WNT2: variants seen among roughly 807,000 people sequenced by gnomAD.
WNT2 encodes protein Wnt-2.
WNT2 carries 12 observed loss-of-function variants against 36.9 expected under a neutral mutation model. That is an observed-to-expected ratio of 0.33 (90% CI 0.21 to 0.53). WNT2 has a LOEUF of 0.53. WNT2 is among the 20% of genes least tolerant of loss of function. WNT2 has a pLI of 0.95. For missense variants in WNT2, 379 were observed against 473.1 expected, an observed-to-expected ratio of 0.80 and a Z score of 1.84; for synonymous variants, 163 against 174.6, an observed-to-expected ratio of 0.93 and a Z score of 0.52.
chr7:117,322,077 C>G lies in WNT2; in HGVS notation c.83+830G>C, dbSNP rs1298073617. 2 of 152,134 alleles carry G rather than the reference C, an allele frequency of 1.3e-5. No homozygotes were observed. The highest frequency in any genetic ancestry group is 2.9e-5 in the Non-Finnish European group (2 of 68,024). The allele number at this position is 152,134 out of a possible 1,614,324, so 9.4% of individuals were successfully genotyped here. On this transcript the variant is annotated intron_variant, in intron 1 of 4. Coordinates refer to ENST00000265441, the MANE Select transcript of WNT2 (RefSeq NM_003391.3). This position sits in a 1 kb window ranked among gnomAD's most constrained non-coding sequence, Gnocchi z 5.4. ...TTTTAGGTGCAAGGAAATTACAGGG[C>G]TATCAACTCTATCTCTTTCCAAGAC...
chr7:117,278,317 C>G lies in WNT2; in HGVS notation c.921G>C (p.Met307Ile), dbSNP rs1295260582. The G allele has an allele frequency of 6.2e-7, 1 of 1,614,094 alleles. No individual in the cohort carries two copies. The highest frequency in any genetic ancestry group is 1.3e-5 in the African/African-American group (1 of 74,946). The change falls in exon 5 of 5, where the codon ATG becomes ATC. Residue 307 changes from methionine (M) to isoleucine (I), a missense_variant. Transcript: ENST00000265441. ...AGGTGTCGTAGCCTCTCCCACAGCA[C>G]ATGACTTCACAGCTGTCCATGCCCC... ...TSRGMDSCEV[M>I]CCGRGYDTSH...
chr7:117,314,887 T>C (rs1156864863), intron 3 of WNT2, among the ~76,000 whole-genome samples, 184 bp downstream of exon 3: 1 of 152,148 alleles, frequency 6.6e-6, no homozygotes, highest in African/African-American at 2.4e-5. Flanking sequence ...AGGTGGAGTG[T>C]GGGTGGGAAT....
chr7:117,285,062 A>G (rs891902923), intron 4 of WNT2, among the ~76,000 whole-genome samples: 1 of 152,064 alleles, frequency 6.6e-6, no homozygotes, highest in Non-Finnish European at 1.5e-5. Flanking sequence ...TCTTTCCCGT[A>G]CTCTCTTCTA....
chr7:117,303,257 C>A (rs1159462517), intron 3 of WNT2, among the ~76,000 whole-genome samples: 5 of 152,138 alleles, frequency 3.3e-5, no homozygotes, highest in Non-Finnish European at 7.4e-5. Flanking sequence ...AGGGTTACAG[C>A]GGTGAAGAAT....
At chr7:117,311,252 G>GA (rs921498557) in intron 3 of WNT2, among the ~76,000 whole-genome samples, 1 of 152,104 alleles carries the variant, frequency 6.6e-6, no homozygotes, top group African/African-American at 2.4e-5. Context: ...AATGTGTGAA[G>GA]ACACACACAA....
rs1281668400 is a variant in WNT2, at chr7:117,275,636, T to C, written c.*2519A>G. Among the ~76,000 whole-genome samples, 1 of 152,166 alleles carries C rather than the reference T, an allele frequency of 6.6e-6. No homozygotes were observed. Among genetic ancestry groups the C allele is most frequent in the Non-Finnish European group, 1.5e-5 (1 of 68,012 alleles). ...TTAAAAGCCTCAGATAATTGAGAGT[T>C]TCAGTGTATTTCAGGTTCCTGGAAT... is the stretch of plus-strand genomic sequence containing the variant. On this transcript the variant is annotated 3_prime_UTR_variant, in exon 5 of 5. Coordinates refer to ENST00000265441, the MANE Select transcript of WNT2 (RefSeq NM_003391.3).
intron 3 of WNT2, among the ~76,000 whole-genome samples, chr7:117,309,921 A>T (rs955515245): frequency 6.6e-6 from 1 of 152,102 alleles, no homozygotes; most frequent in Non-Finnish European, 1.5e-5. Flanking sequence ...ATTCAAAGAG[A>T]GGCAAATTTC....
In WNT2 at chr7:117,323,028, T is replaced by C. The variant is rs1795359601; in HGVS notation, c.-39A>G. ...CGTCTGCATCAGGTCAGACTCCGTG[T>C]GCGGGCGCCATGCGTGCCCAGAGCA... On this transcript the variant is annotated 5_prime_UTR_variant, in exon 1 of 5. Transcript: ENST00000265441. 6.4e-7 allele frequency: 1 copy of C among 1,567,446 alleles called. No homozygotes were observed.
intron 3 of WNT2, 151 bp from the exon 4 acceptor site, chr7:117,298,027 TG>T: frequency 8.6e-7 from 1 of 1,160,966 alleles, no homozygotes; most frequent in East Asian, 2.5e-5. Context: ...GCTTGTCACT[TG>T]TTAGCCACAT....
intron 3 of WNT2, among the ~76,000 whole-genome samples, chr7:117,311,274 C>A (rs1795117629): frequency 1.3e-5 from 2 of 152,292 alleles, no homozygotes; most frequent in African/African-American, 4.8e-5. Flanking sequence ...GAAAAAAAAT[C>A]ATCAGTAAAC....
At chr7:117,282,354 G>A (rs1487241728) in intron 4 of WNT2, among the ~76,000 whole-genome samples, 1 of 151,824 alleles carries the variant, frequency 6.6e-6, no homozygotes, top group Non-Finnish European at 1.5e-5. Context: ...AAGAGGAGAA[G>A]GGGAGGGAGG....
At chr7:117,316,663 T>G (rs1052654087) in intron 2 of WNT2, among the ~76,000 whole-genome samples, 2 of 152,156 alleles carry the variant, frequency 1.3e-5, no homozygotes, top group African/African-American at 4.8e-5. Flanking sequence ...GGAAAACATA[T>G]CTACACCATA....
chr7:117,311,211 C>T (rs951554645), intron 3 of WNT2, among the ~76,000 whole-genome samples: 1 of 152,074 alleles, frequency 6.6e-6, no homozygotes, highest in Admixed American at 6.6e-5. Context: ...TTTTCCTTGT[C>T]GTTAAAAACC....
intron 2 of WNT2, among the ~76,000 whole-genome samples, chr7:117,318,683 A>G (rs551512709): frequency 6.6e-6 from 1 of 152,232 alleles, no homozygotes; most frequent in South Asian, 2.1e-4. Context: ...GATTAAGGGC[A>G]TGTACCACCA....
At chr7:117,301,314 C>T (rs1376659029) in intron 3 of WNT2, among the ~76,000 whole-genome samples, 1 of 151,968 alleles carries the variant, frequency 6.6e-6, no homozygotes, top group Non-Finnish European at 1.5e-5. Flanking sequence ...AAACCCTTAA[C>T]CTTGAAGTGG....
chr7:117,297,881 C>G lies in WNT2; in HGVS notation c.589-5G>C, dbSNP rs1260886089. The G allele has an allele frequency of 2.5e-6, 4 of 1,602,346 alleles. No homozygotes were observed. The highest frequency in any genetic ancestry group is 3.4e-6 in the Non-Finnish European group (4 of 1,171,662). On this transcript the variant is annotated splice_polypyrimidine_tract_variant and splice_region_variant and intron_variant, in intron 3 of 4. Coordinates refer to ENST00000265441, the MANE Select transcript of WNT2 (RefSeq NM_003391.3). ...TTTCAAGAACCGCTTTACAGCCTGC[C>G]GAAAAAGACAGGGGCAAGTTCAGTG...
At chr7:117,310,440 G>A (rs1584692949) in intron 3 of WNT2, among the ~76,000 whole-genome samples, 1 of 151,884 alleles carries the variant, frequency 6.6e-6, no homozygotes, top group South Asian at 2.1e-4. Flanking sequence ...CCCCAAATTA[G>A]TCAGGCATGG....
chr7:117,321,313 C>T (rs563009719), intron 1 of WNT2, among the ~76,000 whole-genome samples: 1 of 152,320 alleles, frequency 6.6e-6, no homozygotes, highest in Non-Finnish European at 1.5e-5. Flanking sequence ...GTTACACTCT[C>T]CTCACAGACA....
At chr7:117,304,624 CG>C (rs1794980457) in intron 3 of WNT2, among the ~76,000 whole-genome samples, 1 of 151,942 alleles carries the variant, frequency 6.6e-6, no homozygotes, top group African/African-American at 2.4e-5. Context: ...TCAGTAGAGA[CG>C]GGGTTTCACC....
Sources: allele counts gnomAD v4.1 joint callset (sites outside exome capture counted in the v4.1 genomes callset), GRCh38; gene constraint gnomAD v4.1.1; non-coding constraint Gnocchi (gnomAD v3.1); transcripts MANE v1.5; gene names NCBI Gene and HGNC (gene_info 2026-07-23, HGNC 2026-07-21).